The following ZNF34 variants were observed in gnomAD, a reference collection of about 807,000 sequenced individuals.
ZNF34 encodes zinc finger protein 34.
ZNF34 carries 8 observed loss-of-function variants against 14.4 expected under a neutral mutation model. The ratio of observed to expected loss-of-function variants is 0.55; its 90% CI spans 0.33 to 1.00. ZNF34 has a LOEUF of 1.00. ZNF34 is among the 50% of genes least tolerant of loss of function. The pLI is 0.03. For synonymous variants in ZNF34, 235 were observed against 247.9 expected, an observed-to-expected ratio of 0.95 and a Z score of 0.49; for missense variants, 538 against 674.2, an observed-to-expected ratio of 0.80 and a Z score of 2.24.
chr8:144,786,875 G>A (rs4637890), intron 1 of ZNF34, among the ~76,000 whole-genome samples: 68,499 of 151,432 alleles, frequency 0.45, 16,168 homozygotes, highest in Middle Eastern at 0.54. Flanking sequence ...AGACGCACGA[G>A]CCCCGCCCCT....
In ZNF34 at chr8:144,775,422, A is replaced by G. The variant is rs370690873; in HGVS notation, c.281-817T>C. On this transcript the variant is annotated intron_variant, in intron 5 of 5. Transcript: ENST00000429371. ...TTCCGGGCGCCAGAGAGAGACATGCACAAGAGTGTCCACAGCAGTTCCTGT... is the reference window on the plus strand; with the variant it reads ...TTCCGGGCGCCAGAGAGAGACATGCGCAAGAGTGTCCACAGCAGTTCCTGT... 1.3e-3 allele frequency among the ~76,000 whole-genome samples: 194 copies of G among 152,340 alleles called. 3 individuals carry two copies. In the South Asian group the frequency reaches 0.038, roughly 30 times the overall value.
At chr8:144,778,352 G>A (rs1825661536) in intron 3 of ZNF34, 87 bp downstream of exon 3, 2 of 1,399,386 alleles carry the variant, frequency 1.4e-6, no homozygotes, top group Non-Finnish European at 1.9e-6. Context: ...CATCATGTCA[G>A]CATCCCAAAC....
In ZNF34 at chr8:144,772,576, G is replaced by C. The variant is rs142590770; in HGVS notation, c.*690C>G. On this transcript the variant is annotated 3_prime_UTR_variant, in exon 6 of 6. Coordinates refer to ENST00000429371, the MANE Select transcript of ZNF34 (RefSeq NM_001286769.2). ...ATTTTTTGAGACAGCGTCTCGCTCT[G>C]TCACCCAGGCTGGAGTACAGTGGCA... 0.033 allele frequency among the ~76,000 whole-genome samples: 4,955 copies of C among 152,284 alleles called. 268 individuals carry two copies. The highest frequency in any genetic ancestry group is 0.11 in the African/African-American group (4,664 of 41,552).
At chr8:144,776,943 ACATAACAGTG>A (rs972084166) in intron 5 of ZNF34, among the ~76,000 whole-genome samples, 48 of 151,760 alleles carry the variant, frequency 3.2e-4, no homozygotes, top group Middle Eastern at 7.0e-3. Flanking sequence ...CAGTGTCAGT[ACATAACAGTG>A]GAAAGGCCAG....
At chr8:144,776,214 A>G (rs1191932168) in intron 5 of ZNF34, among the ~76,000 whole-genome samples, 1 of 151,824 alleles carries the variant, frequency 6.6e-6, no homozygotes, top group African/African-American at 2.4e-5. Context: ...GGGGAGGCTG[A>G]GGCAAAAGAA....
At position 144,778,113 on chromosome 8, in the gene ZNF34, C is replaced by G; in HGVS notation, c.85G>C (p.Gly29Arg). The G allele has an allele frequency of 6.2e-7, 1 of 1,613,986 alleles. No homozygotes were observed. Among genetic ancestry groups the G allele is most frequent in the Non-Finnish European group, 8.5e-7 (1 of 1,179,920 alleles). ...CCCCTCTGAGCAGGGCCCAGGCGGCCCCATTCCTCCCGGGAGAGGTACACA... is the reference window on the plus strand; with the variant it reads ...CCCCTCTGAGCAGGGCCCAGGCGGCGCCATTCCTCCCGGGAGAGGTACACA... Reference protein sequence around the residue: ...VAVYLSREEWGRLGPAQRGLY... With the variant: ...VAVYLSREEWRRLGPAQRGLY... The change falls in exon 4 of 6, where the codon GGC becomes CGC. Residue 29 changes from glycine to arginine, a missense_variant. This residue lies in a region of ZNF34 where 431 missense variants were observed against 525.7 expected (regional missense o/e 0.82). Transcript: ENST00000429371.
chr8:144,786,290 T>C (rs933120940), intron 1 of ZNF34, among the ~76,000 whole-genome samples: 29 of 151,446 alleles, frequency 1.9e-4, no homozygotes, highest in Admixed American at 1.4e-3. Flanking sequence ...TGCTCTGCCA[T>C]ACATATGTAG....
In ZNF34 at chr8:144,772,684, C is replaced by T. The variant is rs1825243390; in HGVS notation, c.*582G>A. The stretch of plus-strand genomic sequence containing the variant: ...CCTCCCGAGTAGCTGGGATTACAGG[C>T]ACCCACCACCACACCTGGCTAATTT... On this transcript the variant is annotated 3_prime_UTR_variant, in exon 6 of 6. Coordinates refer to ENST00000429371, the MANE Select transcript of ZNF34 (RefSeq NM_001286769.2). 2.0e-5 allele frequency among the ~76,000 whole-genome samples: 3 copies of T among 152,236 alleles called. No homozygotes were observed. Among genetic ancestry groups the T allele is most frequent in the Admixed American group, 1.3e-4 (2 of 15,276 alleles).
chr8:144,782,814 G>A (rs1825970824), intron 1 of ZNF34, among the ~76,000 whole-genome samples: 1 of 126,808 alleles, frequency 7.9e-6, no homozygotes, highest in Non-Finnish European at 1.6e-5. Flanking sequence ...TCCAGCTGGG[G>A]TGACAGAGAC....
In ZNF34 at chr8:144,779,484, G is replaced by A. The variant is rs537480182; in HGVS notation, c.-55+744C>T. ...GTGCCTTCACAGCCTCCATACTAGC[G>A]TTGGCCCCCTGGACCCACCTTAAGT... On this transcript the variant is annotated intron_variant, in intron 2 of 5. Transcript: ENST00000429371. This position sits in a 1 kb window ranked among gnomAD's most constrained non-coding sequence, Gnocchi z 4.1. Among the ~76,000 whole-genome samples, 11 of 152,176 alleles carry A rather than the reference G, an allele frequency of 7.2e-5. No individual in the cohort carries two copies. In the South Asian group the frequency reaches 1.0e-3, roughly 14 times the overall value.
At chr8:144,785,772 C>G (rs1826189157) in intron 1 of ZNF34, among the ~76,000 whole-genome samples, 2 of 152,070 alleles carry the variant, frequency 1.3e-5, no homozygotes, top group Non-Finnish European at 2.9e-5. Flanking sequence ...AAACCCCACT[C>G]GAAGTATGTA....
Position 144,773,113 on chromosome 8 carries a change from CT to C in ZNF34, c.*152del. The C allele has an allele frequency of 4.7e-6, 4 of 857,662 alleles. No homozygotes were observed. The highest frequency in any genetic ancestry group is 5.0e-6 in the Non-Finnish European group (3 of 601,390). The allele number at this position is 857,662 out of a possible 1,614,324, so 53.1% of individuals were successfully genotyped here. On this transcript the variant is annotated 3_prime_UTR_variant, in exon 6 of 6. Coordinates refer to ENST00000429371, the MANE Select transcript of ZNF34 (RefSeq NM_001286769.2). This position sits in a 1 kb window ranked among gnomAD's most constrained non-coding sequence, Gnocchi z 5.4. ...ATTTCTCTAAAATGAACATGCACTG[CT>C]TTTGATTTAAGAAAAGAGGTTTGTT...
intron 1 of ZNF34, chr8:144,785,581 C>T (rs1826177924): frequency 6.6e-6 from 1 of 152,168 alleles, no homozygotes; most frequent in African/African-American, 2.4e-5. Context: ...AGTGAGAACC[C>T]CATCTCTAAT....
chr8:144,774,225 GA>G lies in ZNF34; in HGVS notation c.660del (p.Gln221ArgfsTer82). ...AATTTTTTCCCAGTAGGAATTTTCT[GA>G]TCTTCTTTAACAACTAAGTTTGCAC... ...IFSANLVVKE[D>X]QKIPTGKKLH... On this transcript the variant is annotated frameshift_variant, in exon 6 of 6. Coordinates refer to ENST00000429371, the MANE Select transcript of ZNF34 (RefSeq NM_001286769.2). LOFTEE classifies it low-confidence loss of function (END_TRUNC). 6.2e-7 allele frequency: 1 copy of G among 1,611,586 alleles called. No homozygotes were observed. Among genetic ancestry groups the G allele is most frequent in the Non-Finnish European group, 8.5e-7 (1 of 1,179,264 alleles).
Position 144,782,842 on chromosome 8 carries a change from CAAAAAAAAAAAAAAAAAA to C in ZNF34, c.-107-2580_-107-2563del, listed in dbSNP as rs548252812. 2.1e-3 allele frequency among the ~76,000 whole-genome samples: 49 copies of C among 22,974 alleles called. No homozygotes were observed. The South Asian group carries it at 0.05, about 23-fold the overall frequency. The allele number at this position is 22,974 out of a possible 152,430, so 15.1% of individuals were successfully genotyped here. ...ACAGAGACAGAACCAAAGCCTATCTCAAAAAAAAAAAAAAAAAAAAAAAAAAAAAAAAAGAAAAGAAAA... is the reference window on the plus strand; with the variant it reads ...ACAGAGACAGAACCAAAGCCTATCTCAAAAAAAAAAAAAAAGAAAAGAAAA... On this transcript the variant is annotated intron_variant, in intron 1 of 5. Coordinates refer to ENST00000429371, the MANE Select transcript of ZNF34 (RefSeq NM_001286769.2).
chr8:144,777,901 CT>C lies in ZNF34; in HGVS notation c.160+136del. On this transcript the variant is annotated intron_variant, in intron 4 of 5. Coordinates refer to ENST00000429371, the MANE Select transcript of ZNF34 (RefSeq NM_001286769.2). This position sits in a 1 kb window ranked among gnomAD's most constrained non-coding sequence, Gnocchi z 4.8. ...GTCCCAGCACTGCTCTTCCCCTCAT[CT>C]TCTCAGATCAGGTGCCTGCCTGGGA... is the stretch of plus-strand genomic sequence containing the variant. 7.5e-7 allele frequency: 1 copy of C among 1,329,684 alleles called. No homozygotes were observed. The allele number at this position is 1,329,684 out of a possible 1,614,324, so 82.4% of individuals were successfully genotyped here. A position where few individuals can be genotyped will look rare whatever the true frequency, so the allele number is the denominator to read the frequency against.
intron 5 of ZNF34, among the ~76,000 whole-genome samples, chr8:144,776,553 C>T (rs904766249): frequency 2.6e-5 from 4 of 151,998 alleles, no homozygotes; most frequent in South Asian, 2.1e-4. Flanking sequence ...ACTAAGATTG[C>T]GCCACTGCAC....
At position 144,779,551 on chromosome 8, in the gene ZNF34, C is replaced by CT. The variant is rs1825738102; in HGVS notation, c.-55+676dup. ...TTCTCATTCCTTTGACTCCGCTGGA[C>CT]TTCATAGCCCCCATGGCCTGGTGTT... On this transcript the variant is annotated intron_variant, in intron 2 of 5. Coordinates refer to ENST00000429371, the MANE Select transcript of ZNF34 (RefSeq NM_001286769.2). The surrounding 1 kb of genome is among the most constrained non-coding windows in gnomAD (Gnocchi z 4.1). Among the ~76,000 whole-genome samples the CT allele has an allele frequency of 1.3e-5, 2 of 152,160 alleles. No individual in the cohort carries two copies. The highest frequency in any genetic ancestry group is 4.8e-5 in the African/African-American group (2 of 41,442).
At chr8:144,786,644 A>C (rs1021670942) in intron 1 of ZNF34, among the ~76,000 whole-genome samples, 1 of 151,444 alleles carries the variant, frequency 6.6e-6, no homozygotes, top group African/African-American at 2.4e-5. Context: ...AGAAAAAGAG[A>C]GAGAGAAAGG....
Sources: gnomAD v4.1 joint callset for allele counts (sites outside exome capture counted in the v4.1 genomes callset) on GRCh38, gnomAD v4.1.1 for gene constraint, gnomAD v4.1.1 regional missense constraint, Gnocchi (gnomAD v3.1) non-coding constraint, MANE v1.5 for transcripts, NCBI Gene and HGNC (gene_info 2026-07-23, HGNC 2026-07-21) for gene names.